DENND3: variants seen among roughly 807,000 people sequenced by gnomAD.
DENND3 encodes DENN domain-containing protein 3.
In DENND3, 88 loss-of-function variants were observed where a neutral mutation model predicts 135.1. That is an observed-to-expected ratio of 0.65 (90% CI 0.55 to 0.78). The LOEUF (loss-of-function observed/expected upper bound fraction) is 0.78, where lower values mean the gene tolerates loss of function less well. DENND3 is among the 30% of genes least tolerant of loss of function. The probability of loss-of-function intolerance (pLI) is 0.00; values close to 1 mark genes in which losing one functional copy is unlikely to be tolerated. For missense variants in DENND3, 1,392 were observed against 1,688.4 expected, an observed-to-expected ratio of 0.82 and a Z score of 3.08; for synonymous variants, 693 against 712.3, an observed-to-expected ratio of 0.97 and a Z score of 0.43.
At chr8:141,162,450 A>C (rs1820250494) in intron 9 of DENND3, among the ~76,000 whole-genome samples, 1 of 152,162 alleles carries the variant, frequency 6.6e-6, no homozygotes, top group Non-Finnish European at 1.5e-5. Context: ...GAGGCAGAAA[A>C]TATGATTACA....
At chr8:141,133,197 G>GC (rs1816353879) in intron 1 of DENND3, among the ~76,000 whole-genome samples, 1 of 151,776 alleles carries the variant, frequency 6.6e-6, no homozygotes, top group African/African-American at 2.4e-5. Context: ...CCATGGAAGA[G>GC]CAGGGTCATT....
intron 8 of DENND3, among the ~76,000 whole-genome samples, chr8:141,157,051 G>C (rs550020452): frequency 6.6e-6 from 1 of 152,078 alleles, no homozygotes; most frequent in African/African-American, 2.4e-5. Flanking sequence ...CAAAGTGCTA[G>C]GATTACAGGC....
rs1036312153 is a variant in DENND3 at position 141,138,942 on chromosome 8, G to A, written c.501+805G>A. Among the ~76,000 whole-genome samples, 5 of 152,182 alleles carry A rather than the reference G, an allele frequency of 3.3e-5. No homozygotes were observed. The highest frequency in any genetic ancestry group is 5.9e-5 in the Non-Finnish European group (4 of 68,042). Reference sequence around the variant, plus strand: ...TCCGCCTTTTGTCTTTGGTGTGAGCGACTGGCGTTTAGACTTTACAACACA... The same window carrying A: ...TCCGCCTTTTGTCTTTGGTGTGAGCAACTGGCGTTTAGACTTTACAACACA... On this transcript the variant is annotated intron_variant, in intron 3 of 22. Coordinates refer to ENST00000519811, the MANE Select transcript of DENND3 (RefSeq NM_001352890.3). This position sits in a 1 kb window ranked among gnomAD's most constrained non-coding sequence, Gnocchi z 4.8.
At chr8:141,132,409 G>A (rs1014926787) in intron 1 of DENND3, among the ~76,000 whole-genome samples, 7 of 152,058 alleles carry the variant, frequency 4.6e-5, no homozygotes. Flanking sequence ...CCAGGCTGGA[G>A]TACAATGGTG....
At chr8:141,143,166 G>A (rs141628340) in intron 4 of DENND3, among the ~76,000 whole-genome samples, 152 of 152,254 alleles carry the variant, frequency 1.0e-3, no homozygotes, top group African/African-American at 2.6e-3. Flanking sequence ...TAAAAAAATC[G>A]GTTCTGTTAG....
Position 141,155,865 on chromosome 8 carries a change from T to A in DENND3, c.1091T>A (p.Val364Asp). ...EEVSKEADGL[V>D]LINIDHGSIT... ...GTTTTCTAGGAAGCCGACGGTTTAGTTCTGATAAATATTGATCATGGGAGC... is the reference window on the plus strand; with the variant it reads ...GTTTTCTAGGAAGCCGACGGTTTAGATCTGATAAATATTGATCATGGGAGC... Residue 364 changes from valine (V) to aspartate (D), a missense_variant, in exon 8 of 23, where the codon GTT becomes GAT. Physicochemically the swap from Val to Asp is radical, Grantham distance 152. Coordinates refer to ENST00000519811, the MANE Select transcript of DENND3 (RefSeq NM_001352890.3). The A allele has an allele frequency of 6.2e-7, 1 of 1,605,330 alleles. No homozygotes were observed. Among genetic ancestry groups the A allele is most frequent in the Non-Finnish European group, 8.5e-7 (1 of 1,174,938 alleles).
intron 13 of DENND3, among the ~76,000 whole-genome samples, chr8:141,170,657 G>T (rs1391572973): frequency 6.6e-6 from 1 of 152,220 alleles, no homozygotes. Flanking sequence ...CAGGCAGGGC[G>T]GGGTGGGCCC....
intron 5 of DENND3, among the ~76,000 whole-genome samples, chr8:141,145,803 T>TTTTA (rs1246792571): frequency 9.2e-5 from 8 of 87,114 alleles, no homozygotes; most frequent in Middle Eastern, 8.6e-3. Context: ...ATATTGAATA[T>TTTTA]TATATATATA....
intron 8 of DENND3, among the ~76,000 whole-genome samples, chr8:141,158,531 T>G (rs1819726742): frequency 2.0e-5 from 3 of 152,214 alleles, no homozygotes; most frequent in African/African-American, 7.2e-5. Flanking sequence ...TTTTGGAGAC[T>G]CTTTTGTAAA....
rs1446085706 is a variant in DENND3 at position 141,175,778 on chromosome 8, C to T, written c.2535+319C>T. 9 of 390,182 alleles carry T rather than the reference C, an allele frequency of 2.3e-5. No homozygotes were observed. Among genetic ancestry groups the T allele is most frequent in the Non-Finnish European group, 3.4e-5 (7 of 206,004 alleles). 24.2% of individuals were successfully genotyped at this position (390,182 alleles called of 1,614,324 possible). A position where few individuals can be genotyped will look rare whatever the true frequency, so the allele number is the denominator to read the frequency against. ...GACATTCTCATTAGGGACAGTAGGA[C>T]GCCTTCGTTCATCCATGAGATGTTT... On this transcript the variant is annotated intron_variant, in intron 14 of 22. Coordinates refer to ENST00000519811, the MANE Select transcript of DENND3 (RefSeq NM_001352890.3). The surrounding 1 kb of genome is among the most constrained non-coding windows in gnomAD (Gnocchi z 5.4).
chr8:141,134,343 G>A (rs1296643378), intron 1 of DENND3, among the ~76,000 whole-genome samples: 2 of 151,360 alleles, frequency 1.3e-5, no homozygotes, highest in African/African-American at 4.9e-5. Flanking sequence ...TGCCCAGGCT[G>A]GAGTGCAGTG....
At chr8:141,151,901 G>C in intron 7 of DENND3, 64 bp downstream of exon 7, 1 of 1,582,308 alleles carries the variant, frequency 6.3e-7, no homozygotes, top group Non-Finnish European at 8.7e-7. Flanking sequence ...GGGACACATG[G>C]GAAGATGCGT....
intron 13 of DENND3, among the ~76,000 whole-genome samples, chr8:141,170,241 T>C (rs1019145956): frequency 2.0e-5 from 3 of 152,198 alleles, no homozygotes; most frequent in African/African-American, 7.2e-5. Context: ...TGGGAAAAGC[T>C]GTCCTGGTGA....
chr8:141,134,118 A>T (rs1200463002), intron 1 of DENND3, among the ~76,000 whole-genome samples: 1 of 151,884 alleles, frequency 6.6e-6, no homozygotes. Flanking sequence ...AGGGCTGCTC[A>T]CTCATCTCAT....
intron 1 of DENND3, among the ~76,000 whole-genome samples, chr8:141,134,734 C>T (rs10109446): frequency 0.053 from 8,115 of 152,190 alleles, 709 homozygotes; most frequent in African/African-American, 0.18. Flanking sequence ...TTTCTTCCAG[C>T]GTAAGACTCC....
chr8:141,190,628 C>T, intron 20 of DENND3: 1 of 664,890 alleles, frequency 1.5e-6, no homozygotes, highest in South Asian at 2.6e-5. Context: ...GCCTTTCTAC[C>T]CAGCGGCTGA....
In DENND3 at chr8:141,168,297, A is replaced by C; in HGVS notation, c.2047A>C (p.Met683Leu). The C allele has an allele frequency of 6.2e-7, 1 of 1,614,066 alleles. No homozygotes were observed. ...TTTGGTGAAGAGGACGGTGGAATCC[A>C]TGTCTGCCCCTGAGTGGGAGGGGGC... ...TDLVKRTVES[M>L]SAPEWEGAEQ... The change falls in exon 13 of 23, where the codon ATG becomes CTG. Residue 683 changes from methionine to leucine, a missense_variant. Transcript: ENST00000519811. This position sits in a 1 kb window ranked among gnomAD's most constrained non-coding sequence, Gnocchi z 6.2.
At position 141,160,618 on chromosome 8, in the gene DENND3, C is replaced by A; in HGVS notation, c.1197-14C>A. ...CTGCTGGGGCTGAGCTAGCTTCGGT[C>A]TGCCTCCTTCCAGGGTGCAGAGCCT... On this transcript the variant is annotated splice_polypyrimidine_tract_variant and intron_variant, in intron 8 of 22. Coordinates refer to ENST00000519811, the MANE Select transcript of DENND3 (RefSeq NM_001352890.3). 1 of 1,587,392 alleles carries A rather than the reference C, an allele frequency of 6.3e-7. No individual in the cohort carries two copies. Among genetic ancestry groups the A allele is most frequent in the South Asian group, 1.1e-5 (1 of 89,776 alleles).
intron 18 of DENND3, among the ~76,000 whole-genome samples, chr8:141,188,188 G>A (rs978507783): frequency 6.6e-6 from 1 of 152,150 alleles, no homozygotes; most frequent in African/African-American, 2.4e-5. Flanking sequence ...TCATGCCACT[G>A]CACTCCAGCC....
Sources: allele counts gnomAD v4.1 joint callset (sites outside exome capture counted in the v4.1 genomes callset), GRCh38; gene constraint gnomAD v4.1.1; non-coding constraint Gnocchi (gnomAD v3.1); transcripts MANE v1.5; gene names NCBI Gene and HGNC (gene_info 2026-07-23, HGNC 2026-07-21).